The following MIAT variants were observed in gnomAD, a reference collection of about 807,000 sequenced individuals.
MIAT encodes the protein myocardial infarction associated transcript, also known as MI related novel mRNA.
exon 6 of MIAT, chr22:26,669,119 G>T: frequency 2.5e-6 from 1 of 398,650 alleles, no homozygotes; most frequent in Non-Finnish European, 4.4e-6. Flanking sequence ...GGCAGGACAG[G>T]CCCCACAATC....
intron 2 of MIAT, chr22:26,657,705 C>A: frequency 2.5e-6 from 1 of 398,678 alleles, no homozygotes; most frequent in South Asian, 1.3e-4. Flanking sequence ...GTCCTTGTCC[C>A]CTAACGGGGA....
intron 2 of MIAT, among the ~76,000 whole-genome samples, chr22:26,654,954 C>T (rs1247920070): frequency 1.3e-5 from 2 of 152,090 alleles, no homozygotes; most frequent in Non-Finnish European, 2.9e-5. Flanking sequence ...CCTCATGATC[C>T]GCCCGCCTCG....
chr22:26,657,807 T>C (rs1440658026), intron 2 of MIAT, among the ~76,000 whole-genome samples: 1 of 152,142 alleles, frequency 6.6e-6, no homozygotes, highest in Non-Finnish European at 1.5e-5. Flanking sequence ...GTGTCCCGCA[T>C]TGGATGGATG....
chr22:26,652,821 C>G (rs926273093), intron 2 of MIAT, among the ~76,000 whole-genome samples: 2 of 152,166 alleles, frequency 1.3e-5, no homozygotes, highest in Non-Finnish European at 2.9e-5. Context: ...TCAGAATTCT[C>G]CTGGAAATCT....
chr22:26,647,716 C>T (rs1276028762), intron 2 of MIAT, among the ~76,000 whole-genome samples: 3 of 152,036 alleles, frequency 2.0e-5, no homozygotes, highest in African/African-American at 7.3e-5. Flanking sequence ...ATGAGGTCAG[C>T]TTTGCATTTC....
chr22:26,652,640 G>A (rs1930356534), intron 2 of MIAT, among the ~76,000 whole-genome samples: 1 of 152,186 alleles, frequency 6.6e-6, no homozygotes, highest in Non-Finnish European at 1.5e-5. Context: ...ACAGGCATGA[G>A]CCACTGCGCC....
intron 2 of MIAT, among the ~76,000 whole-genome samples, chr22:26,649,298 T>C (rs1930294963): frequency 6.6e-6 from 1 of 152,226 alleles, no homozygotes; most frequent in African/African-American, 2.4e-5. Context: ...GTCTGACTCC[T>C]GAGTCCATGT....
intron 3 of MIAT, among the ~76,000 whole-genome samples, chr22:26,665,287 G>GAAAGAAAGAAA (rs1930807205): frequency 3.8e-5 from 5 of 132,704 alleles, no homozygotes; most frequent in Non-Finnish European, 6.6e-5. Flanking sequence ...AAGAAAGAAA[G>GAAAGAAAGAAA]AAAAACAATT....
chr22:26,646,793 G>A, exon 1 of MIAT: 3 of 398,676 alleles, frequency 7.5e-6, no homozygotes, highest in Non-Finnish European at 1.3e-5. Context: ...AGAGCTTTGT[G>A]TTGTTTGTAC....
downstream of MIAT, chr22:26,670,961 G>A (rs531961689): frequency 6.0e-3 from 2,263 of 375,876 alleles, 4 homozygotes; most frequent in Non-Finnish European, 8.3e-3. Context: ...AGCTTGATGC[G>A]TTTTTTTTTT....
At chr22:26,676,231 G>T (rs2146025031) in exon 5 of MIAT, 2 of 396,976 alleles carry the variant, frequency 5.0e-6, no homozygotes, top group East Asian at 7.2e-5. Context: ...TCCATCAAAG[G>T]CCCTCTTGAG....
intron 2 of MIAT, among the ~76,000 whole-genome samples, chr22:26,651,679 T>C (rs1334136329): frequency 1.3e-5 from 2 of 152,222 alleles, no homozygotes; most frequent in Non-Finnish European, 2.9e-5. Context: ...ATAAATTGTG[T>C]TCTGTTCATA....
At chr22:26,667,687 C>G (rs893432592) in intron 5 of MIAT, 3 of 178,404 alleles carry the variant, frequency 1.7e-5, no homozygotes, top group African/African-American at 7.1e-5. Flanking sequence ...CTTTTTTTTC[C>G]TTTTTCTCAG....
chr22:26,664,087 C>T (rs1345275377), intron 3 of MIAT, among the ~76,000 whole-genome samples: 4 of 150,158 alleles, frequency 2.7e-5, no homozygotes, highest in Non-Finnish European at 4.4e-5. Flanking sequence ...TCTCGGCTCA[C>T]TGCAACCTCC....
chr22:26,648,450 G>C (rs1410571179), intron 2 of MIAT, among the ~76,000 whole-genome samples: 1 of 152,086 alleles, frequency 6.6e-6, no homozygotes, highest in African/African-American at 2.4e-5. Flanking sequence ...GGCTCCCTGC[G>C]ACCTCAGGCA....
chr22:26,670,138 C>T (rs1410165744), downstream of MIAT: 2 of 397,980 alleles, frequency 5.0e-6, no homozygotes, highest in East Asian at 7.1e-5. Context: ...CCTTCCCTAC[C>T]TATTTTCCTA....
At chr22:26,659,719 G>T (rs576496238) in intron 2 of MIAT, among the ~76,000 whole-genome samples, 2 of 148,200 alleles carry the variant, frequency 1.3e-5, no homozygotes, top group South Asian at 2.1e-4. Flanking sequence ...AATTTTTTCC[G>T]ATTTTAAAAG....
Position 26,669,558 on chromosome 22 carries a change from AG to A in MIAT, n.3665del, listed in dbSNP as rs539627557. On this transcript the variant is annotated non_coding_transcript_exon_variant, in exon 6 of 6. Coordinates refer to ENST00000643270, the Ensembl canonical transcript of MIAT. ...ACCTCATTTAACCTTAACCCCTTAA[AG>A]GTCCCATCTCCAAAAACAGTCACAT... 11 of 398,698 alleles carry A rather than the reference AG, an allele frequency of 2.8e-5. No individual in the cohort carries two copies. In the South Asian group the frequency reaches 1.4e-3, roughly 51 times the overall value. 24.7% of individuals were successfully genotyped at this position (398,698 alleles called of 1,614,324 possible).
chr22:26,675,671 T>C (rs1427413522), exon 5 of MIAT: 3 of 398,644 alleles, frequency 7.5e-6, no homozygotes, highest in Non-Finnish European at 1.3e-5. Flanking sequence ...CTTGAAAACA[T>C]GTCATCCCAT....
Sources: allele counts gnomAD v4.1 joint callset (sites outside exome capture counted in the v4.1 genomes callset), GRCh38; gene constraint gnomAD v4.1.1; transcripts MANE v1.5; gene names NCBI Gene and HGNC (gene_info 2026-07-23, HGNC 2026-07-21).